The following SLC25A37 variants were observed in gnomAD, a reference collection of about 807,000 sequenced individuals.
SLC25A37 encodes the protein mitoferrin-1.
SLC25A37 carries 17 observed loss-of-function variants against 31.0 expected under a neutral mutation model. The ratio of observed to expected loss-of-function variants is 0.55; its 90% CI spans 0.38 to 0.82. The LOEUF (loss-of-function observed/expected upper bound fraction) is 0.82, where lower values mean the gene tolerates loss of function less well. SLC25A37 is among the 40% of genes least tolerant of loss of function. The pLI is 0.00. For synonymous variants in SLC25A37, 222 were observed against 193.0 expected, an observed-to-expected ratio of 1.15 and a Z score of -1.24; for missense variants, 404 against 465.8, an observed-to-expected ratio of 0.87 and a Z score of 1.22.
intron 3 of SLC25A37, chr8:23,568,671 TG>T: frequency 2.4e-6 from 1 of 411,952 alleles, no homozygotes; most frequent in Non-Finnish European, 4.5e-6. Flanking sequence ...CTGGGTGCAG[TG>T]GCTCATGCCT....
At position 23,529,555 on chromosome 8, in the gene SLC25A37, C is replaced by T. The variant is rs1801621985; in HGVS notation, c.210+343C>T. On this transcript the variant is annotated intron_variant, in intron 1 of 3. Transcript: ENST00000519973. This position sits in a 1 kb window ranked among gnomAD's most constrained non-coding sequence, Gnocchi z 4.1. ...GGGGGACGCGATCGCTGAAGCTCTG[C>T]ACAGTCTTACCACGCTGGCCGTTCG... Among the ~76,000 whole-genome samples the T allele has an allele frequency of 6.6e-6, 1 of 152,164 alleles. No individual in the cohort carries two copies. The highest frequency in any genetic ancestry group is 2.4e-5 in the African/African-American group (1 of 41,464).
chr8:23,534,245 G>A (rs916932761), intron 1 of SLC25A37, among the ~76,000 whole-genome samples: 5 of 152,120 alleles, frequency 3.3e-5, no homozygotes, highest in Non-Finnish European at 7.4e-5. Context: ...GAACCACCAT[G>A]CCCAGCCTCT....
Position 23,571,548 on chromosome 8 carries a change from A to G in SLC25A37, c.710A>G (p.His237Arg). The change falls in exon 4 of 4, where the codon CAC becomes CGC. Residue 237 changes from histidine to arginine, a missense_variant. Coordinates refer to ENST00000519973, the MANE Select transcript of SLC25A37 (RefSeq NM_016612.4). The part of the protein sequence containing the change: ...NPHRTYNPQS[H>R]IISGGLAGAL... ...CACCGGACCTACAACCCGCAGTCCC[A>G]CATCATCTCAGGCGGGCTGGCCGGG... 6.2e-7 allele frequency: 1 copy of G among 1,613,824 alleles called. No homozygotes were observed. Among genetic ancestry groups the G allele is most frequent in the East Asian group, 2.2e-5 (1 of 44,864 alleles).
intron 3 of SLC25A37, among the ~76,000 whole-genome samples, chr8:23,570,556 G>A (rs941145629): frequency 5.3e-5 from 8 of 152,166 alleles, no homozygotes; most frequent in Non-Finnish European, 1.0e-4. Flanking sequence ...TCAGTAAACA[G>A]GTAGTTAACT....
chr8:23,566,444 T>C, intron 2 of SLC25A37, 108 bp downstream of exon 2: 1 of 1,492,752 alleles, frequency 6.7e-7, no homozygotes, highest in Non-Finnish European at 8.9e-7. Context: ...GCCCGCTTGC[T>C]CACGAATAAA....
chr8:23,571,305 G>C (rs1259783019), intron 3 of SLC25A37, 30 bp from the exon 4 acceptor site: 1 of 1,511,054 alleles, frequency 6.6e-7, no homozygotes, highest in East Asian at 2.4e-5. Flanking sequence ...CTGGCTGTCC[G>C]TCTGGCCTGC....
At chr8:23,542,374 C>T (rs1801916790) in intron 1 of SLC25A37, among the ~76,000 whole-genome samples, 1 of 111,018 alleles carries the variant, frequency 9.0e-6, no homozygotes, top group Non-Finnish European at 1.7e-5. Flanking sequence ...GAGTGTACTC[C>T]TACTTTTTTT....
At chr8:23,551,788 A>G (rs1802232551) in intron 1 of SLC25A37, among the ~76,000 whole-genome samples, 1 of 152,024 alleles carries the variant, frequency 6.6e-6, no homozygotes, top group Non-Finnish European at 1.5e-5. Flanking sequence ...GGATTTAGAT[A>G]CAGAGGGGTC....
Position 23,561,604 on chromosome 8 carries a change from T to C in SLC25A37, c.211-4504T>C, listed in dbSNP as rs529159451. On this transcript the variant is annotated intron_variant, in intron 1 of 3. Coordinates refer to ENST00000519973, the MANE Select transcript of SLC25A37 (RefSeq NM_016612.4). ...GATTGACAACCTCAGGCTGGGTGGC[T>C]GTACAGCCTGGGCACTCTCTGTGCC... is the stretch of plus-strand genomic sequence containing the variant. 1.1e-4 allele frequency among the ~76,000 whole-genome samples: 16 copies of C among 152,322 alleles called. No individual in the cohort carries two copies. In the East Asian group the frequency reaches 2.9e-3, roughly 28 times the overall value.
chr8:23,555,193 C>T (rs768193239), intron 1 of SLC25A37, among the ~76,000 whole-genome samples: 3 of 152,172 alleles, frequency 2.0e-5, no homozygotes, highest in East Asian at 1.9e-4. Context: ...CCTCCTGCAG[C>T]GGGAATTGTT....
chr8:23,543,417 T>C (rs1365885781), intron 1 of SLC25A37, among the ~76,000 whole-genome samples: 1 of 152,214 alleles, frequency 6.6e-6, no homozygotes, highest in Non-Finnish European at 1.5e-5. Flanking sequence ...ATAAATTTAG[T>C]GTAGCCTAAG....
chr8:23,528,964 C>T lies in SLC25A37; in HGVS notation c.-39C>T. 7.1e-7 allele frequency: 1 copy of T among 1,417,712 alleles called. No homozygotes were observed. Among genetic ancestry groups the T allele is most frequent in the Non-Finnish European group, 9.2e-7 (1 of 1,082,934 alleles). 87.8% of individuals were successfully genotyped at this position (1,417,712 alleles called of 1,614,324 possible). A position where few individuals can be genotyped will look rare whatever the true frequency, so the allele number is the denominator to read the frequency against. ...GTTTTGCGCCCCTCCCCCTCCCTGC[C>T]CACCTCCTGCAGCCTCCTGCGCCCC... is the stretch of plus-strand genomic sequence containing the variant. On this transcript the variant is annotated 5_prime_UTR_variant, in exon 1 of 4. Coordinates refer to ENST00000519973, the MANE Select transcript of SLC25A37 (RefSeq NM_016612.4).
chr8:23,568,451 T>A, intron 3 of SLC25A37, 73 bp downstream of exon 3: 1 of 1,559,216 alleles, frequency 6.4e-7, no homozygotes, highest in East Asian at 2.2e-5. Flanking sequence ...TGTGGGAGAG[T>A]GGAGAGGACT....
At chr8:23,562,966 T>C (rs1392502168) in intron 1 of SLC25A37, among the ~76,000 whole-genome samples, 1 of 152,194 alleles carries the variant, frequency 6.6e-6, no homozygotes, top group African/African-American at 2.4e-5. Context: ...AGCGATTTCA[T>C]ATGTCCTAAA....
At chr8:23,569,308 C>T (rs1802755366) in intron 3 of SLC25A37, among the ~76,000 whole-genome samples, 1 of 152,060 alleles carries the variant, frequency 6.6e-6, no homozygotes, top group Non-Finnish European at 1.5e-5. Context: ...TACACCGAAC[C>T]TACTGGATCA....
Position 23,529,039 on chromosome 8 carries a change from G to C in SLC25A37, c.37G>C (p.Val13Leu). 2 of 1,558,538 alleles carry C rather than the reference G, an allele frequency of 1.3e-6. No individual in the cohort carries two copies. Among genetic ancestry groups the C allele is most frequent in the Non-Finnish European group, 1.7e-6 (2 of 1,153,584 alleles). Residue 13 changes from valine (V) to leucine (L), a missense_variant, in exon 1 of 4, where the codon GTG becomes CTG. By Grantham distance (32) the Val-to-Leu change is conservative. This residue lies in a region of SLC25A37 where 154 missense variants were observed against 153.6 expected (regional missense o/e 1.00). Coordinates refer to ENST00000519973, the MANE Select transcript of SLC25A37 (RefSeq NM_016612.4). The surrounding 1 kb of genome is among the most constrained non-coding windows in gnomAD (Gnocchi z 4.1). ...LRSGSVGSQA[V>L]ARRMDGDSRD... The stretch of plus-strand genomic sequence containing the variant: ...CAGCGGGAGCGTGGGCAGCCAGGCG[G>C]TGGCGCGGAGGATGGATGGGGACAG...
intron 1 of SLC25A37, among the ~76,000 whole-genome samples, chr8:23,559,367 G>GCA (rs1802453000): frequency 6.6e-6 from 1 of 151,930 alleles, no homozygotes; most frequent in Non-Finnish European, 1.5e-5. Flanking sequence ...GTGTGTGCGC[G>GCA]CGCGCGTGTG....
chr8:23,561,324 G>T (rs952340069), intron 1 of SLC25A37, among the ~76,000 whole-genome samples: 5 of 152,130 alleles, frequency 3.3e-5, no homozygotes, highest in Admixed American at 3.3e-4. Context: ...AGGGGAGGGG[G>T]TGAGAAATCA....
At chr8:23,552,267 T>G (rs1333960219) in intron 1 of SLC25A37, among the ~76,000 whole-genome samples, 1 of 152,248 alleles carries the variant, frequency 6.6e-6, no homozygotes, top group Non-Finnish European at 1.5e-5. Flanking sequence ...ATTGAGTACC[T>G]ACTGTACTCC....
Sources: gnomAD v4.1 joint callset for allele counts (sites outside exome capture counted in the v4.1 genomes callset) on GRCh38, gnomAD v4.1.1 for gene constraint, gnomAD v4.1.1 regional missense constraint, Gnocchi (gnomAD v3.1) non-coding constraint, MANE v1.5 for transcripts, NCBI Gene and HGNC (gene_info 2026-07-23, HGNC 2026-07-21) for gene names.